Variants in GPR158 observed in about 807,000 individuals in gnomAD.
The protein encoded by GPR158 is G protein-coupled receptor 158.
GPR158 carries 30 observed loss-of-function variants against 78.2 expected under a neutral mutation model. The ratio of observed to expected loss-of-function variants is 0.38; its 90% CI spans 0.29 to 0.52. GPR158 has a LOEUF of 0.52. Ranked by LOEUF, GPR158 falls within the 20% of genes least tolerant of loss-of-function variation. GPR158 has a pLI of 0.83. For missense variants in GPR158, 1,463 were observed against 1,523.5 expected (o/e 0.96, Z 0.66); for synonymous variants, 581 against 591.1 (o/e 0.98, Z 0.25).
At chr10:25,387,617 G>A (rs1834240342) in intron 2 of GPR158, among the ~76,000 whole-genome samples, 2 of 151,614 alleles carry the variant, frequency 1.3e-5, no homozygotes, top group Non-Finnish European at 2.9e-5. Context: ...CTGGGTTCAA[G>A]TGATTCTTGT....
intron 5 of GPR158, among the ~76,000 whole-genome samples, chr10:25,534,472 A>C (rs1371348229): frequency 6.6e-6 from 1 of 151,974 alleles, no homozygotes; most frequent in Admixed American, 6.6e-5. Context: ...CCCCGTCTGT[A>C]CTAAAAATGC....
At chr10:25,177,236 T>C (rs762979029) in intron 1 of GPR158, among the ~76,000 whole-genome samples, 3 of 152,196 alleles carry the variant, frequency 2.0e-5, no homozygotes, top group Non-Finnish European at 4.4e-5. Context: ...AACTTCTGCC[T>C]GGGAAGTGCC....
chr10:25,597,093 C>T (rs538400190), intron 10 of GPR158, among the ~76,000 whole-genome samples: 1 of 152,210 alleles, frequency 6.6e-6, no homozygotes, highest in Non-Finnish European at 1.5e-5. Context: ...ACTGATTAAA[C>T]GTGTTCCATA....
At chr10:25,320,291 G>C (rs61271645) in intron 2 of GPR158, among the ~76,000 whole-genome samples, 20,553 of 152,072 alleles carry the variant, frequency 0.14, 2,614 homozygotes, top group African/African-American at 0.34. Flanking sequence ...GTCTATTTAT[G>C]TTCGGTGCTT....
intron 2 of GPR158, among the ~76,000 whole-genome samples, chr10:25,391,919 T>TGG (rs1326419347): frequency 6.6e-6 from 1 of 152,064 alleles, no homozygotes; most frequent in African/African-American, 2.4e-5. Flanking sequence ...AATTGAATCA[T>TGG]GGGGGTGAGT....
chr10:25,236,474 C>T (rs1853528864), intron 2 of GPR158, among the ~76,000 whole-genome samples: 2 of 152,162 alleles, frequency 1.3e-5, no homozygotes, highest in Non-Finnish European at 2.9e-5. Flanking sequence ...CACCACTGCA[C>T]TCCAGCCTGG....
intron 2 of GPR158, among the ~76,000 whole-genome samples, chr10:25,248,025 G>A (rs1356515813): frequency 1.3e-5 from 2 of 151,818 alleles, no homozygotes; most frequent in African/African-American, 4.8e-5. Context: ...GTGTGAGATG[G>A]TATCTCATTG....
intron 2 of GPR158, among the ~76,000 whole-genome samples, chr10:25,277,106 T>C (rs948411393): frequency 1.1e-4 from 16 of 152,076 alleles, no homozygotes; most frequent in African/African-American, 3.1e-4. Flanking sequence ...CATGCCACCA[T>C]GCCTATCCAA....
At chr10:25,315,426 T>C (rs912981810) in intron 2 of GPR158, among the ~76,000 whole-genome samples, 4 of 152,132 alleles carry the variant, frequency 2.6e-5, no homozygotes, top group Non-Finnish European at 5.9e-5. Context: ...CAACCCCTGC[T>C]TTCTTACTGG....
intron 4 of GPR158, among the ~76,000 whole-genome samples, chr10:25,451,020 G>T (rs572600415): frequency 6.6e-6 from 1 of 152,044 alleles, no homozygotes; most frequent in South Asian, 2.1e-4. Context: ...CACATCATAT[G>T]GATGAACCAT....
At chr10:25,255,552 A>G (rs927053393) in intron 2 of GPR158, among the ~76,000 whole-genome samples, 2 of 152,178 alleles carry the variant, frequency 1.3e-5, no homozygotes, top group South Asian at 4.1e-4. Context: ...CCTTGGCAGA[A>G]TTAACTCCCT....
At position 25,216,396 on chromosome 10, in the gene GPR158, C is replaced by T. The variant is rs896864626; in HGVS notation, c.903-4656C>T. On this transcript the variant is annotated intron_variant, in intron 1 of 10. Coordinates refer to ENST00000376351, the MANE Select transcript of GPR158 (RefSeq NM_020752.3). ...GGAAAAGCAGAATTTCAAGTCTTTCCATCAATCTATCCAGTCTCTCTATCC... is the reference window on the plus strand; with the variant it reads ...GGAAAAGCAGAATTTCAAGTCTTTCTATCAATCTATCCAGTCTCTCTATCC... Among the ~76,000 whole-genome samples, 3 of 152,158 alleles carry T rather than the reference C, an allele frequency of 2.0e-5. No homozygotes were observed. In the East Asian group the frequency reaches 5.8e-4, roughly 29 times the overall value.
At chr10:25,563,828 CA>C (rs1298490730) in intron 6 of GPR158, among the ~76,000 whole-genome samples, 4 of 151,960 alleles carry the variant, frequency 2.6e-5, no homozygotes, top group African/African-American at 7.3e-5. Context: ...TCAGAAGTTG[CA>C]AAAAAATTTT....
rs976640699 is a variant in GPR158 at position 25,279,896 on chromosome 10, C to T, written c.1008+58739C>T. Among the ~76,000 whole-genome samples the T allele has an allele frequency of 2.6e-5, 4 of 151,532 alleles. No individual in the cohort carries two copies. The South Asian group carries it at 8.3e-4, about 31-fold the overall frequency. Reference sequence around the variant, plus strand: ...TGGTTTGGATCCATGATCCTAACCACTGGGCTGTACCACTAGCGATTAATT... The same window carrying T: ...TGGTTTGGATCCATGATCCTAACCATTGGGCTGTACCACTAGCGATTAATT... On this transcript the variant is annotated intron_variant, in intron 2 of 10. Coordinates refer to ENST00000376351, the MANE Select transcript of GPR158 (RefSeq NM_020752.3).
intron 2 of GPR158, among the ~76,000 whole-genome samples, chr10:25,350,799 T>C (rs557366933): frequency 6.6e-6 from 1 of 152,148 alleles, no homozygotes; most frequent in Non-Finnish European, 1.5e-5. Context: ...TCATCTGCCT[T>C]TCTTTCCTCG....
chr10:25,579,121 CTG>C (rs1837150100), intron 7 of GPR158, among the ~76,000 whole-genome samples: 1 of 151,448 alleles, frequency 6.6e-6, no homozygotes, highest in Non-Finnish European at 1.5e-5. Flanking sequence ...ATTTTGGAAA[CTG>C]TTGGTAGTAC....
At chr10:25,370,462 A>G (rs1406816928) in intron 2 of GPR158, among the ~76,000 whole-genome samples, 5 of 67,676 alleles carry the variant, frequency 7.4e-5, no homozygotes, top group East Asian at 2.2e-4. Flanking sequence ...TTCAGTTTCC[A>G]TGTAGTTGAG....
intron 2 of GPR158, among the ~76,000 whole-genome samples, chr10:25,317,506 A>T (rs894873737): frequency 3.3e-5 from 5 of 150,806 alleles, no homozygotes; most frequent in African/African-American, 1.2e-4. Context: ...CAAAAAAAAA[A>T]TTTCTGAGTT....
chr10:25,453,928 T>C (rs1294970108), intron 4 of GPR158, among the ~76,000 whole-genome samples: 1 of 152,192 alleles, frequency 6.6e-6, no homozygotes, highest in African/African-American at 2.4e-5. Flanking sequence ...TTTTGTGGTT[T>C]ACATGCATTT....
Sources: allele counts gnomAD v4.1 joint callset (sites outside exome capture counted in the v4.1 genomes callset), GRCh38; gene constraint gnomAD v4.1.1; transcripts MANE v1.5; gene names NCBI Gene and HGNC (gene_info 2026-07-23, HGNC 2026-07-21).